MILR1: variants seen among roughly 807,000 people sequenced by gnomAD.
MILR1 encodes the protein mast cell immunoglobulin like receptor 1, also known as allergin-1.
A neutral mutation model predicts 18.5 loss-of-function variants in MILR1; 31 were observed. The observed-to-expected ratio is 1.68, with a 90% CI of 1.26 to 2.26. The LOEUF is 2.26. MILR1 is among the 30% of genes most tolerant of loss of function. The pLI, the probability that MILR1 is intolerant of heterozygous loss-of-function variation, is 0.00. For synonymous variants in MILR1, 85 were observed against 56.2 expected, an observed-to-expected ratio of 1.51 and a Z score of -2.30; for missense variants, 257 against 157.4, an observed-to-expected ratio of 1.63 and a Z score of -3.38.
Position 64,461,044 on chromosome 17 carries a change from A to G in MILR1, c.763+112A>G, listed in dbSNP as rs988004758. On this transcript the variant is annotated intron_variant, in intron 5 of 9. Transcript: ENST00000619286. Reference sequence around the variant, plus strand: ...GGGGATTGGAAATAGAATAGGGAGAAAATGAAAATAGGAGGAAAACATGAG... The same window carrying G: ...GGGGATTGGAAATAGAATAGGGAGAGAATGAAAATAGGAGGAAAACATGAG... 51 of 418,058 alleles carry G rather than the reference A, an allele frequency of 1.2e-4. No homozygotes were observed. The South Asian group carries it at 1.6e-3, about 13-fold the overall frequency. 25.9% of individuals were successfully genotyped at this position (418,058 alleles called of 1,614,324 possible).
chr17:64,458,009 C>T (rs2037338172), intron 4 of MILR1, among the ~76,000 whole-genome samples: 1 of 152,158 alleles, frequency 6.6e-6, no homozygotes, highest in Admixed American at 6.5e-5. Flanking sequence ...GGACTTGTGG[C>T]AAAACTTTCT....
At chr17:64,476,243 T>C in the MILR1 span, among the ~76,000 whole-genome samples, 1 of 152,222 alleles carries the variant, frequency 6.6e-6, no homozygotes, top group Non-Finnish European at 1.5e-5. Context: ...ATAAACATAC[T>C]ACCATTATCA....
At chr17:64,496,765 C>G in the MILR1 span, 1 of 1,613,874 alleles carries the variant, frequency 6.2e-7, no homozygotes, top group Non-Finnish European at 8.5e-7. Context: ...TCTCTAACAG[C>G]GCCTCGCTTC....
At chr17:64,473,412 A>AG (rs1318700318), downstream of MILR1, among the ~76,000 whole-genome samples, 3 of 151,854 alleles carry the variant, frequency 2.0e-5, no homozygotes, top group African/African-American at 7.3e-5. Flanking sequence ...AAGGATTTAA[A>AG]GGGGAGACCT....
chr17:64,484,667 T>G, the MILR1 span, among the ~76,000 whole-genome samples: 3 of 152,186 alleles, frequency 2.0e-5, no homozygotes, highest in African/African-American at 7.2e-5. Context: ...TGCTGATGGT[T>G]TGGAAGTGGA....
chr17:64,455,357 T>C (rs2037267614), intron 3 of MILR1, among the ~76,000 whole-genome samples: 1 of 152,134 alleles, frequency 6.6e-6, no homozygotes, highest in African/African-American at 2.4e-5. Flanking sequence ...ACTACTGGGT[T>C]TTTAATGAGG....
chr17:64,477,546 A>G, the MILR1 span, among the ~76,000 whole-genome samples: 1 of 152,238 alleles, frequency 6.6e-6, no homozygotes, highest in Non-Finnish European at 1.5e-5. Flanking sequence ...CCCTAACTAT[A>G]GAAACAGTAA....
At chr17:64,473,266 G>T (rs2144108082), downstream of MILR1, among the ~76,000 whole-genome samples, 1 of 151,404 alleles carries the variant, frequency 6.6e-6, no homozygotes, top group East Asian at 1.9e-4. Context: ...CAGAAGAATT[G>T]TGTGAACCCG....
downstream of MILR1, among the ~76,000 whole-genome samples, chr17:64,471,297 C>T (rs1555664538): frequency 6.6e-6 from 1 of 152,018 alleles, no homozygotes; most frequent in Non-Finnish European, 1.5e-5. Context: ...TCTGAAGAGC[C>T]CAAGAGCCTC....
In MILR1 at chr17:64,454,957, C is replaced by T. The variant is rs1288397410; in HGVS notation, c.367+2091C>T. 2.6e-5 allele frequency among the ~76,000 whole-genome samples: 4 copies of T among 152,118 alleles called. No individual in the cohort carries two copies. The East Asian group carries it at 7.7e-4, about 29-fold the overall frequency. ...TCAAGGCTGCAGTGAGCTGTGATTG[C>T]ACCACTGCACTGCAGCCTGGGTGAC... On this transcript the variant is annotated intron_variant, in intron 3 of 9. Coordinates refer to ENST00000619286, the MANE Select transcript of MILR1 (RefSeq NM_001085423.2).
chr17:64,449,406 G>A (rs1405335732), intron 2 of MILR1, 51 bp downstream of exon 2: 1 of 430,314 alleles, frequency 2.3e-6, no homozygotes, highest in African/African-American at 2.0e-5. Context: ...CTGAAGTGGT[G>A]AGACAGTCTG....
chr17:64,496,854 G>C, the MILR1 span: 4 of 1,613,712 alleles, frequency 2.5e-6, no homozygotes, highest in Non-Finnish European at 3.4e-6. Context: ...CCTCCTTTGG[G>C]GCTACTCCTT....
chr17:64,478,481 T>G, the MILR1 span, among the ~76,000 whole-genome samples: 1 of 152,228 alleles, frequency 6.6e-6, no homozygotes, highest in East Asian at 1.9e-4. Context: ...CGGCTGACCT[T>G]CTGTATGCTT....
the MILR1 span, chr17:64,496,995 C>T: frequency 1.3e-6 from 2 of 1,585,640 alleles, no homozygotes; most frequent in African/African-American, 1.3e-5. Flanking sequence ...AGAGCACACT[C>T]TCCCATCACT....
At chr17:64,475,453 A>T in the MILR1 span, among the ~76,000 whole-genome samples, 463 of 152,070 alleles carry the variant, frequency 3.0e-3, 2 homozygotes, top group African/African-American at 0.011. Context: ...GTTCAAGACC[A>T]GCCTGACCAA....
chr17:64,491,047 T>G, the MILR1 span: 12 of 1,119,582 alleles, frequency 1.1e-5, no homozygotes, highest in South Asian at 1.1e-4. Context: ...CTGTAAGAAT[T>G]TAAATTGTCC....
chr17:64,452,066 C>T (rs2037184110), intron 2 of MILR1, among the ~76,000 whole-genome samples: 3 of 149,482 alleles, frequency 2.0e-5, no homozygotes, highest in Non-Finnish European at 4.4e-5. Context: ...CCAAGCCATC[C>T]ATTGGTCCCA....
chr17:64,458,138 G>C (rs2037342539), intron 4 of MILR1, among the ~76,000 whole-genome samples: 1 of 145,764 alleles, frequency 6.9e-6, no homozygotes, highest in Non-Finnish European at 1.5e-5. Context: ...CTTCCTTCTT[G>C]TATGCCTGCC....
chr17:64,490,750 A>G, the MILR1 span: 10 of 1,450,728 alleles, frequency 6.9e-6, no homozygotes, highest in Non-Finnish European at 7.8e-6. Context: ...AAATGATTAT[A>G]GAGAATCTGG....
Sources: gnomAD v4.1 joint callset for allele counts (sites outside exome capture counted in the v4.1 genomes callset) on GRCh38, gnomAD v4.1.1 for gene constraint, MANE v1.5 for transcripts, NCBI Gene and HGNC (gene_info 2026-07-23, HGNC 2026-07-21) for gene names.